Variants in CIITA observed in about 807,000 individuals in gnomAD.
The protein encoded by CIITA is class II major histocompatibility complex transactivator, also known as MHC class II transactivator.
A neutral mutation model predicts 115.1 loss-of-function variants in CIITA; 72 were observed. The observed-to-expected ratio is 0.63, with a 90% CI of 0.52 to 0.76. The LOEUF (loss-of-function observed/expected upper bound fraction) is 0.76, where lower values mean the gene tolerates loss of function less well. Ranked by LOEUF, CIITA falls within the 30% of genes least tolerant of loss-of-function variation. The pLI is 0.00. For synonymous variants in CIITA, 763 were observed against 635.6 expected (o/e 1.20, Z -3.02); for missense variants, 1,617 against 1,463.8 (o/e 1.10, Z -1.71).
At chr16:10,890,121 C>A (rs1466554053) in intron 1 of CIITA, among the ~76,000 whole-genome samples, 2 of 152,036 alleles carry the variant, frequency 1.3e-5, no homozygotes, top group Non-Finnish European at 2.9e-5. Flanking sequence ...AAGTGGGGCG[C>A]TGAAATGTGT....
rs369361847 is a variant in CIITA at position 10,898,114 on chromosome 16, C to T, written c.296-556C>T. Reference sequence around the variant, plus strand: ...TCCCTGATTGCCCTATTCCACCATACACCTTTTTTCTCGGACTTCATGTCA... The same window carrying T: ...TCCCTGATTGCCCTATTCCACCATATACCTTTTTTCTCGGACTTCATGTCA... On this transcript the variant is annotated intron_variant, in intron 3 of 19. Coordinates refer to ENST00000324288, the MANE Select transcript of CIITA (RefSeq NM_000246.4). Among the ~76,000 whole-genome samples the T allele has an allele frequency of 3.4e-3, 513 of 152,262 alleles. 2 individuals are homozygous for T. Among genetic ancestry groups the T allele is most frequent in the African/African-American group, 0.011 (467 of 41,548 alleles).
At position 10,915,419 on chromosome 16, in the gene CIITA, G is replaced by C. The variant is rs190143942; in HGVS notation, c.2889-151G>C. ...AAAAGATTGGGGTCCTACGTGGAAG[G>C]GTTGCAGGGACCTAAGAGGCTGGGG... On this transcript the variant is annotated intron_variant, in intron 13 of 19. Coordinates refer to ENST00000324288, the MANE Select transcript of CIITA (RefSeq NM_000246.4). 3 of 702,216 alleles carry C rather than the reference G, an allele frequency of 4.3e-6. No homozygotes were observed. The African/African-American group carries it at 5.2e-5, about 12-fold the overall frequency. 43.5% of individuals were successfully genotyped at this position (702,216 alleles called of 1,614,324 possible). A position where few individuals can be genotyped will look rare whatever the true frequency, so the allele number is the denominator to read the frequency against.
At chr16:10,897,807 C>G (rs925303615) in intron 3 of CIITA, among the ~76,000 whole-genome samples, 1 of 152,178 alleles carries the variant, frequency 6.6e-6, no homozygotes, top group Non-Finnish European at 1.5e-5. Flanking sequence ...TTATCACCAT[C>G]ATTATTATCA....
intron 1 of CIITA, among the ~76,000 whole-genome samples, chr16:10,870,832 G>T (rs910524528): frequency 6.6e-6 from 1 of 152,188 alleles, no homozygotes; most frequent in Non-Finnish European, 1.5e-5. Flanking sequence ...ATAAATATCA[G>T]ACCACTCTGA....
At position 10,902,741 on chromosome 16, in the gene CIITA, C is replaced by G. The variant is rs150307400; in HGVS notation, c.712C>G (p.His238Asp). ...QFVPTISTLP[H>D]GLWQISEAGT... Reference sequence around the variant, plus strand: ...TGTCCCCACCATCTCCACTCTGCCCCATGGGCTCTGGCAAATCTCTGAGGC... The same window carrying G: ...TGTCCCCACCATCTCCACTCTGCCCGATGGGCTCTGGCAAATCTCTGAGGC... Residue 238 changes from histidine to aspartate, a missense_variant, in exon 8 of 20, where the codon CAT (histidine) becomes GAT (aspartate). His to Asp is a moderately conservative substitution (Grantham distance 81). Transcript: ENST00000324288. 1 of 1,614,230 alleles carries G rather than the reference C, an allele frequency of 6.2e-7. No individual in the cohort carries two copies. Among genetic ancestry groups the G allele is most frequent in the South Asian group, 1.1e-5 (1 of 91,084 alleles).
downstream of CIITA, chr16:10,936,586 T>C (rs2041027993): frequency 6.6e-6 from 1 of 152,224 alleles, no homozygotes; most frequent in African/African-American, 2.4e-5. Flanking sequence ...AAGTGTGAAA[T>C]TACTTCATAA....
At chr16:10,921,559 C>T (rs1006153990) in intron 16 of CIITA, among the ~76,000 whole-genome samples, 3 of 152,342 alleles carry the variant, frequency 2.0e-5, no homozygotes, top group Admixed American at 1.3e-4. Context: ...CCCACAATGA[C>T]TCTATCATGC....
At chr16:10,873,828 G>C (rs2035643687), upstream of CIITA, among the ~76,000 whole-genome samples, 1 of 152,068 alleles carries the variant, frequency 6.6e-6, no homozygotes, top group African/African-American at 2.4e-5. Flanking sequence ...CAGATCCCTA[G>C]GGTAAGACCG....
chr16:10,886,533 TTAGA>T (rs2036970273), intron 1 of CIITA, among the ~76,000 whole-genome samples: 1 of 152,176 alleles, frequency 6.6e-6, no homozygotes. Context: ...CTACATATCC[TTAGA>T]TATTCTACAT....
rs1413429994 is a variant in CIITA at position 10,907,371 on chromosome 16, C to T, written c.1879C>T (p.Leu627Phe). ...CCAGCTCTCAGAGGCCCTGCTGGAG[C>T]TTGGGGAGGACGCCAAGCTGCCCTC... Reference protein sequence around the residue: ...VCQLSEALLELGEDAKLPSTL... With the variant: ...VCQLSEALLEFGEDAKLPSTL... Residue 627 changes from leucine (L) to phenylalanine (F), a missense_variant, in exon 11 of 20, where the codon CTT (leucine) becomes TTT (phenylalanine). Coordinates refer to ENST00000324288, the MANE Select transcript of CIITA (RefSeq NM_000246.4). The surrounding 1 kb of genome is among the most constrained non-coding windows in gnomAD (Gnocchi z 5.0). 1 of 1,613,442 alleles carries T rather than the reference C, an allele frequency of 6.2e-7. No homozygotes were observed. The highest frequency in any genetic ancestry group is 1.1e-5 in the South Asian group (1 of 91,074).
intron 13 of CIITA, among the ~76,000 whole-genome samples, chr16:10,913,975 A>G (rs1030169988): frequency 6.6e-6 from 1 of 151,400 alleles, no homozygotes; most frequent in Non-Finnish European, 1.5e-5. Context: ...ATAGAACTCC[A>G]TTCCCCTCAT....
chr16:10,868,481 G>T (rs899203781), intron 1 of CIITA, among the ~76,000 whole-genome samples: 45 of 152,178 alleles, frequency 3.0e-4, no homozygotes, highest in African/African-American at 9.4e-4. Flanking sequence ...TCACCCAAGT[G>T]GTTTCCATCG....
At chr16:10,909,771 T>C (rs11867127) in intron 12 of CIITA, among the ~76,000 whole-genome samples, 79,883 of 152,010 alleles carry the variant, frequency 0.53, 21,501 homozygotes, top group Middle Eastern at 0.64. Flanking sequence ...TCTCGCTGTG[T>C]CTACCAGGCT....
In CIITA at chr16:10,901,991, A is replaced by G. The variant is rs776932518; in HGVS notation, c.482-47A>G. ...CTCCAGGGCCCTCCCCATCCCAGGA[A>G]GGCCCCTCCAAGCACCCAGTCTCTA... On this transcript the variant is annotated intron_variant, in intron 6 of 19. Coordinates refer to ENST00000324288, the MANE Select transcript of CIITA (RefSeq NM_000246.4). The surrounding 1 kb of genome is among the most constrained non-coding windows in gnomAD (Gnocchi z 6.8). The G allele has an allele frequency of 6.2e-7, 1 of 1,610,708 alleles. No individual in the cohort carries two copies. The highest frequency in any genetic ancestry group is 1.7e-5 in the Admixed American group (1 of 59,990).
At chr16:10,899,760 G>A (rs903415826) in intron 5 of CIITA, among the ~76,000 whole-genome samples, 3 of 152,120 alleles carry the variant, frequency 2.0e-5, no homozygotes, top group Non-Finnish European at 2.9e-5. Flanking sequence ...TCGCACACAG[G>A]GTATGAGATT....
At chr16:10,908,303 A>G (rs1346518643) in intron 11 of CIITA, 154 bp downstream of exon 11, 4 of 927,590 alleles carry the variant, frequency 4.3e-6, no homozygotes, top group Non-Finnish European at 6.8e-6. Context: ...GAGGATGTTG[A>G]GGCTCAGAGA....
Position 10,924,797 on chromosome 16 carries a change from G to A in CIITA, c.*942G>A, listed in dbSNP as rs1351432426. On this transcript the variant is annotated 3_prime_UTR_variant, in exon 20 of 20. Coordinates refer to ENST00000324288, the MANE Select transcript of CIITA (RefSeq NM_000246.4). ...CTAATGGGGCGGTGAGAGGGGAACAGACTGGAAGCACAGCTTCATTTCCTG... is the reference window on the plus strand; with the variant it reads ...CTAATGGGGCGGTGAGAGGGGAACAAACTGGAAGCACAGCTTCATTTCCTG... 6.6e-6 allele frequency: 1 copy of A among 152,290 alleles called. No individual in the cohort carries two copies. The highest frequency in any genetic ancestry group is 1.5e-5 in the Non-Finnish European group (1 of 68,070). The allele number at this position is 152,290 out of a possible 1,614,324, so 9.4% of individuals were successfully genotyped here.
chr16:10,902,739 C>G lies in CIITA; in HGVS notation c.710C>G (p.Pro237Arg). Residue 237 changes from proline (P) to arginine (R), a missense_variant, in exon 8 of 20, where the codon CCC becomes CGC. Pro to Arg is a moderately radical substitution (Grantham distance 103, BLOSUM62 -2). Transcript: ENST00000324288. ...TTTGTCCCCACCATCTCCACTCTGC[C>G]CCATGGGCTCTGGCAAATCTCTGAG... Reference protein sequence around the residue: ...IQFVPTISTLPHGLWQISEAG... With the variant: ...IQFVPTISTLRHGLWQISEAG... 1 of 1,614,224 alleles carries G rather than the reference C, an allele frequency of 6.2e-7. No individual in the cohort carries two copies. Among genetic ancestry groups the G allele is most frequent in the Non-Finnish European group, 8.5e-7 (1 of 1,180,034 alleles).
Position 10,923,350 on chromosome 16 carries a change from G to C in CIITA, c.*22+25G>C. On this transcript the variant is annotated intron_variant, in intron 19 of 19. Coordinates refer to ENST00000324288, the MANE Select transcript of CIITA (RefSeq NM_000246.4). The surrounding 1 kb of genome is among the most constrained non-coding windows in gnomAD (Gnocchi z 5.2). ...GGTAACCAGGGTGGGCTTGGGAGGGGAGAGCCGCAGTGGGTTGGGGGCAGT... is the reference window on the plus strand; with the variant it reads ...GGTAACCAGGGTGGGCTTGGGAGGGCAGAGCCGCAGTGGGTTGGGGGCAGT... 1.6e-5 allele frequency: 21 copies of C among 1,346,106 alleles called. No individual in the cohort carries two copies. The highest frequency in any genetic ancestry group is 2.0e-5 in the Non-Finnish European group (19 of 943,904). 83.4% of individuals were successfully genotyped at this position (1,346,106 alleles called of 1,614,324 possible).
Sources: allele counts gnomAD v4.1 joint callset (sites outside exome capture counted in the v4.1 genomes callset), GRCh38; gene constraint gnomAD v4.1.1; non-coding constraint Gnocchi (gnomAD v3.1); transcripts MANE v1.5; gene names NCBI Gene and HGNC (gene_info 2026-07-23, HGNC 2026-07-21).